The following GLS variants were observed in gnomAD, a reference collection of about 807,000 sequenced individuals.
GLS encodes glutaminase.
A neutral mutation model predicts 86.7 loss-of-function variants in GLS; 36 were observed. That is an observed-to-expected ratio of 0.42 (90% confidence interval 0.32 to 0.55). GLS has a LOEUF of 0.55. GLS is among the 20% of genes least tolerant of loss of function. GLS has a pLI of 0.17. For missense variants in GLS, 528 were observed against 833.4 expected, an observed-to-expected ratio of 0.63 and a Z score of 4.51; for synonymous variants, 317 against 305.9, an observed-to-expected ratio of 1.04 and a Z score of -0.38.
chr2:190,949,981 T>C lies in GLS; in HGVS notation c.1651-3584T>C, dbSNP rs1016150834. On this transcript the variant is annotated intron_variant, in intron 14 of 17. Transcript: ENST00000320717. The surrounding 1 kb of genome is among the most constrained non-coding windows in gnomAD (Gnocchi z 4.0). ...ATAACAAATATAGTTAAAAAGGATA[T>C]AGTTAACAATACAATATATATATAT... Among the ~76,000 whole-genome samples, 6 of 149,094 alleles carry C rather than the reference T, an allele frequency of 4.0e-5. No individual in the cohort carries two copies. The highest frequency in any genetic ancestry group is 8.9e-5 in the Non-Finnish European group (6 of 67,602).
intron 7 of GLS, among the ~76,000 whole-genome samples, chr2:190,918,568 C>T (rs926172040): frequency 6.6e-6 from 1 of 152,004 alleles, no homozygotes; most frequent in Admixed American, 6.6e-5. Flanking sequence ...TTTTGTTTTC[C>T]ATCATTTGCG....
In GLS at chr2:190,905,729, G is replaced by T. The variant is rs1456570284; in HGVS notation, c.979+562G>T. ...TTTTACAGGAATTCAAAAGAAAAGG[G>T]GAGGACAAAAGTAGTTAGTTTGATC... On this transcript the variant is annotated intron_variant, in intron 6 of 17. Coordinates refer to ENST00000320717, the MANE Select transcript of GLS (RefSeq NM_014905.5). The surrounding 1 kb of genome is among the most constrained non-coding windows in gnomAD (Gnocchi z 4.6). Among the ~76,000 whole-genome samples, 1 of 152,046 alleles carries T rather than the reference G, an allele frequency of 6.6e-6. No individual in the cohort carries two copies. Among genetic ancestry groups the T allele is most frequent in the East Asian group, 1.9e-4 (1 of 5,192 alleles).
intron 7 of GLS, among the ~76,000 whole-genome samples, chr2:190,919,245 A>C (rs756136285): frequency 3.9e-5 from 6 of 152,158 alleles, no homozygotes; most frequent in Admixed American, 3.9e-4. Flanking sequence ...AAAATGTTAT[A>C]CTGTATAATG....
chr2:190,881,185 T>G lies in GLS; in HGVS notation c.101T>G (p.Leu34Arg). The G allele has an allele frequency of 2.2e-6, 3 of 1,335,274 alleles. No individual in the cohort carries two copies. The highest frequency in any genetic ancestry group is 2.9e-6 in the Non-Finnish European group (3 of 1,046,142). 82.7% of individuals were successfully genotyped at this position (1,335,274 alleles called of 1,614,324 possible). A position where few individuals can be genotyped will look rare whatever the true frequency, so the allele number is the denominator to read the frequency against. The change falls in exon 1 of 18, where the codon CTG (leucine) becomes CGG (arginine). Residue 34 changes from leucine to arginine, a missense_variant. By Grantham distance (102) the Leu-to-Arg change is moderately radical. Around this residue, in one of 4 missense-constraint regions of GLS, gnomAD observed 224 missense variants for 187.9 expected, o/e 1.19. Transcript: ENST00000320717. ...TLRRAQPLVT[L>R]CRRPRGGGRP... The stretch of plus-strand genomic sequence containing the variant: ...CGGCGGGCACAGCCCTTGGTCACCC[T>G]GTGCCGGCGTCCCCGAGGCGGGGGA...
rs956926164 is a variant in GLS, at chr2:190,913,565, T to G, written c.1038+3244T>G. 4.2e-6 allele frequency: 4 copies of G among 962,042 alleles called. No homozygotes were observed. The Admixed American group carries it at 2.5e-4, about 59-fold the overall frequency. The allele number at this position is 962,042 out of a possible 1,614,324, so 59.6% of individuals were successfully genotyped here. A position where few individuals can be genotyped will look rare whatever the true frequency, so the allele number is the denominator to read the frequency against. ...TTAAAAGGAAAGAACAAAAATAAAT[T>G]TGAAAGGAACAGTTATTTTTATATG... On this transcript the variant is annotated intron_variant, in intron 7 of 17. Coordinates refer to ENST00000320717, the MANE Select transcript of GLS (RefSeq NM_014905.5). The surrounding 1 kb of genome is among the most constrained non-coding windows in gnomAD (Gnocchi z 6.1).
intron 7 of GLS, among the ~76,000 whole-genome samples, chr2:190,915,028 T>C (rs2124879546): frequency 6.6e-6 from 1 of 152,062 alleles, no homozygotes; most frequent in Admixed American, 6.5e-5. Flanking sequence ...ATTTACTTTT[T>C]TTTTTTGAGA....
At chr2:190,918,374 T>A (rs114599912) in intron 7 of GLS, among the ~76,000 whole-genome samples, 1 of 152,160 alleles carries the variant, frequency 6.6e-6, no homozygotes, top group South Asian at 2.1e-4. Flanking sequence ...TTAAACCTCA[T>A]GAATCAACCT....
intron 3 of GLS, 33 bp from the exon 4 acceptor site, chr2:190,900,531 C>T: frequency 3.7e-6 from 5 of 1,341,242 alleles, no homozygotes; most frequent in East Asian, 2.4e-5. Context: ...TGAAATGTAC[C>T]CAGTTTATTA....
chr2:190,910,357 CTTTTT>C lies in GLS; in HGVS notation c.1038+43_1038+47del, dbSNP rs397869711. On this transcript the variant is annotated intron_variant, in intron 7 of 17. Transcript: ENST00000320717. Reference sequence around the variant, plus strand: ...GATGTTTCATTTTAACCTAGTAAAACTTTTTTTTTTTAACAGCTAAGGCATAAAGA... The same window carrying C: ...GATGTTTCATTTTAACCTAGTAAAACTTTTTTAACAGCTAAGGCATAAAGA... The C allele has an allele frequency of 9.3e-6, 9 of 972,776 alleles. No homozygotes were observed. In the Admixed American group the frequency reaches 1.2e-4, roughly 13 times the overall value. The allele number at this position is 972,776 out of a possible 1,614,324, so 60.3% of individuals were successfully genotyped here.
chr2:190,889,986 T>C (rs1688509222), intron 1 of GLS, among the ~76,000 whole-genome samples: 1 of 152,124 alleles, frequency 6.6e-6, no homozygotes. Flanking sequence ...GAATTACAGA[T>C]ATTATTCCTA....
intron 5 of GLS, among the ~76,000 whole-genome samples, 181 bp downstream of exon 5, chr2:190,902,207 TTAAG>T (rs1176183854): frequency 2.0e-5 from 3 of 152,184 alleles, no homozygotes; most frequent in Non-Finnish European, 2.9e-5. Flanking sequence ...TAACATTATA[TTAAG>T]TTTTATGAGA....
chr2:190,926,987 C>T, intron 11 of GLS: 3 of 185,246 alleles, frequency 1.6e-5, no homozygotes, highest in South Asian at 1.6e-4. Flanking sequence ...CTTGTGTATT[C>T]CACAGAAAGT....
At position 190,880,828 on chromosome 2, in the gene GLS, A is replaced by C. The variant is rs894492084; in HGVS notation, c.-257A>C. ...CCCCTGCGCTTTAGCCTCAGTGCGG[A>C]GCCTTAGGCGGAGCGAAGAGAACCG... On this transcript the variant is annotated 5_prime_UTR_variant, in exon 1 of 18. Coordinates refer to ENST00000320717, the MANE Select transcript of GLS (RefSeq NM_014905.5). 2 of 736,970 alleles carry C rather than the reference A, an allele frequency of 2.7e-6. No individual in the cohort carries two copies. The highest frequency in any genetic ancestry group is 1.8e-5 in the African/African-American group (1 of 56,658). The allele number at this position is 736,970 out of a possible 1,614,324, so 45.7% of individuals were successfully genotyped here.
intron 14 of GLS, among the ~76,000 whole-genome samples, chr2:190,940,189 T>A (rs1690385023): frequency 1.3e-5 from 2 of 151,962 alleles, no homozygotes; most frequent in African/African-American, 4.8e-5. Flanking sequence ...CCTTGAAGTA[T>A]ATGCATCATT....
Position 190,911,308 on chromosome 2 carries a change from C to G in GLS, c.1038+987C>G, listed in dbSNP as rs147100785. Among the ~76,000 whole-genome samples, 66 of 152,102 alleles carry G rather than the reference C, an allele frequency of 4.3e-4. No individual in the cohort carries two copies. The East Asian group carries it at 7.7e-3, about 18-fold the overall frequency. ...CTAACTTGTATACTAGAAAGCCTTT[C>G]TTAACTTTTAAGAGTTTTATATCTG... On this transcript the variant is annotated intron_variant, in intron 7 of 17. Transcript: ENST00000320717.
intron 13 of GLS, among the ~76,000 whole-genome samples, chr2:190,931,112 A>T (rs1478958932): frequency 1.3e-5 from 2 of 152,190 alleles, no homozygotes; most frequent in South Asian, 2.1e-4. Context: ...TTGAGTTCAT[A>T]TTAAGTACCA....
Position 190,954,728 on chromosome 2 carries a change from T to C in GLS, c.1790-27T>C. The C allele has an allele frequency of 1.2e-6, 2 of 1,613,484 alleles. No homozygotes were observed. The highest frequency in any genetic ancestry group is 1.7e-6 in the Non-Finnish European group (2 of 1,179,434). The stretch of plus-strand genomic sequence containing the variant: ...ATTTCTACTTAGTACTAAAATCTGC[T>C]CTTTTTTTGGGGGTGGGACGGTATA... On this transcript the variant is annotated intron_variant, in intron 16 of 17. Transcript: ENST00000320717. The surrounding 1 kb of genome is among the most constrained non-coding windows in gnomAD (Gnocchi z 4.0).
chr2:190,883,600 G>C (rs913906780), intron 1 of GLS, among the ~76,000 whole-genome samples: 1 of 152,168 alleles, frequency 6.6e-6, no homozygotes, highest in African/African-American at 2.4e-5. Context: ...CTTCATTATT[G>C]TAAAGCCTGT....
chr2:190,896,482 C>G (rs1475879889), intron 3 of GLS: 1 of 152,128 alleles, frequency 6.6e-6, no homozygotes, highest in African/African-American at 2.4e-5. Flanking sequence ...AAGACATTGG[C>G]TTTTTCCAGA....
Sources: gnomAD v4.1 joint callset for allele counts (sites outside exome capture counted in the v4.1 genomes callset) on GRCh38, gnomAD v4.1.1 for gene constraint, gnomAD v4.1.1 regional missense constraint, Gnocchi (gnomAD v3.1) non-coding constraint, MANE v1.5 for transcripts, NCBI Gene and HGNC (gene_info 2026-07-23, HGNC 2026-07-21) for gene names.